Variants in IQGAP2 observed in about 807,000 individuals in gnomAD.
The protein encoded by IQGAP2 is ras GTPase-activating-like protein IQGAP2.
IQGAP2 carries 173 observed loss-of-function variants against 201.3 expected under a neutral mutation model. The ratio of observed to expected loss-of-function variants is 0.86; its 90% CI spans 0.76 to 0.98. IQGAP2 has a LOEUF of 0.98. Among genes scored for constraint, IQGAP2 ranks in the 50% least tolerant of loss-of-function variants. The probability of loss-of-function intolerance (pLI) is 0.00; values close to 1 mark genes in which losing one functional copy is unlikely to be tolerated. For missense variants in IQGAP2, 1,687 were observed against 1,864.8 expected (o/e 0.90, Z 1.76); for synonymous variants, 675 against 673.9 (o/e 1.00, Z -0.03).
At chr5:76,584,147 C>G (rs771614167) in intron 5 of IQGAP2, among the ~76,000 whole-genome samples, 99 of 152,216 alleles carry the variant, frequency 6.5e-4, no homozygotes, top group South Asian at 3.3e-3. Context: ...GCTGGGATTA[C>G]AGACGTGAGC....
intron 21 of IQGAP2, among the ~76,000 whole-genome samples, chr5:76,660,868 C>G (rs1333848933): frequency 6.6e-6 from 1 of 152,068 alleles, no homozygotes; most frequent in South Asian, 2.1e-4. Flanking sequence ...AAGCCCAAAG[C>G]AATATGCAGA....
intron 2 of IQGAP2, among the ~76,000 whole-genome samples, chr5:76,489,886 C>T: frequency 6.6e-6 from 1 of 152,206 alleles, no homozygotes; most frequent in East Asian, 1.9e-4. Flanking sequence ...CTGTCAGACA[C>T]ATACACTCCA....
intron 16 of IQGAP2, among the ~76,000 whole-genome samples, chr5:76,638,111 A>G (rs1751286429): frequency 6.6e-6 from 1 of 152,224 alleles, no homozygotes; most frequent in Non-Finnish European, 1.5e-5. Context: ...GACTATTAGG[A>G]CATTTGTTAG....
intron 2 of IQGAP2, among the ~76,000 whole-genome samples, chr5:76,462,232 G>C: frequency 6.6e-6 from 1 of 152,092 alleles, no homozygotes; most frequent in East Asian, 1.9e-4. Context: ...AGCTTCCTTG[G>C]GTCTTTTCCC....
intron 11 of IQGAP2, 39 bp from the exon 12 acceptor site, chr5:76,606,140 T>A: frequency 1.3e-6 from 2 of 1,539,160 alleles, no homozygotes; most frequent in Non-Finnish European, 1.8e-6. Flanking sequence ...GAAGAATGAA[T>A]GTCTCTAATT....
chr5:76,644,629 A>C (rs1000528586), intron 17 of IQGAP2, among the ~76,000 whole-genome samples: 2 of 152,030 alleles, frequency 1.3e-5, no homozygotes, highest in African/African-American at 4.8e-5. Context: ...TAATTTTCAA[A>C]GTTTCTTTAT....
At chr5:76,561,842 G>A (rs1039492362) in intron 2 of IQGAP2, among the ~76,000 whole-genome samples, 5 of 152,116 alleles carry the variant, frequency 3.3e-5, no homozygotes, top group Admixed American at 6.5e-5. Flanking sequence ...ATAAGTTCCT[G>A]GTATTGGAAA....
chr5:76,702,657 G>A, intron 35 of IQGAP2, 67 bp downstream of exon 35: 2 of 697,374 alleles, frequency 2.9e-6, no homozygotes, highest in East Asian at 5.0e-5. Context: ...TGCTACCCTG[G>A]CTCTCTCTCT....
At position 76,619,597 on chromosome 5, in the gene IQGAP2, A is replaced by G. The variant is rs2069675; in HGVS notation, c.1522-7813A>G. The stretch of plus-strand genomic sequence containing the variant: ...AGTGGCACGATCTCAGCTCACTGCA[A>G]CCTCCGCCTCCCGGGTTCACGCCAT... On this transcript the variant is annotated intron_variant, in intron 13 of 35. Transcript: ENST00000274364. Among the ~76,000 whole-genome samples the G allele has an allele frequency of 1.7e-3, 246 of 147,156 alleles. 2 individuals carry two copies. The highest frequency in any genetic ancestry group is 6.1e-3 in the African/African-American group (241 of 39,366).
intron 1 of IQGAP2, among the ~76,000 whole-genome samples, chr5:76,452,163 A>G (rs925476534): frequency 6.7e-6 from 1 of 149,440 alleles, no homozygotes; most frequent in African/African-American, 2.4e-5. Context: ...ATCTGACCTC[A>G]GGTGATCTAC....
At chr5:76,574,898 CT>C (rs1204521084) in intron 4 of IQGAP2, among the ~76,000 whole-genome samples, 2 of 152,092 alleles carry the variant, frequency 1.3e-5, no homozygotes, top group Non-Finnish European at 1.5e-5. Flanking sequence ...GATTAACTGG[CT>C]AAGCTAGGGT....
intron 2 of IQGAP2, among the ~76,000 whole-genome samples, chr5:76,481,606 A>C (rs1580285350): frequency 6.6e-6 from 1 of 151,112 alleles, no homozygotes; most frequent in Non-Finnish European, 1.5e-5. Flanking sequence ...CTTGTCTTGA[A>C]CTCCTGACCT....
At chr5:76,666,690 A>G (rs571840985) in intron 22 of IQGAP2, among the ~76,000 whole-genome samples, 1 of 152,326 alleles carries the variant, frequency 6.6e-6, no homozygotes, top group Admixed American at 6.5e-5. Flanking sequence ...CACTAAAGAA[A>G]TTATAGAAAA....
rs1189619734 is a variant in IQGAP2 at position 76,636,965 on chromosome 5, TAAAG to T, written c.1781-65_1781-62del. 4.0e-6 allele frequency: 5 copies of T among 1,250,758 alleles called. No homozygotes were observed. In the African/African-American group the frequency reaches 7.7e-5, roughly 19 times the overall value. 77.5% of individuals were successfully genotyped at this position (1,250,758 alleles called of 1,614,324 possible). On this transcript the variant is annotated intron_variant, in intron 15 of 35. Transcript: ENST00000274364. ...AAACATATTCAATTATTTTACATAT[TAAAG>T]AAACTACACTAATGTTTAAGGGTTC...
chr5:76,628,099 C>G (rs1220378965), intron 14 of IQGAP2, among the ~76,000 whole-genome samples: 2 of 152,232 alleles, frequency 1.3e-5, no homozygotes, highest in Non-Finnish European at 2.9e-5. Context: ...GGCCAGGCCC[C>G]TTGAGGAAAA....
chr5:76,556,594 T>A (rs1561461011), intron 2 of IQGAP2, among the ~76,000 whole-genome samples: 2 of 152,322 alleles, frequency 1.3e-5, no homozygotes, highest in Middle Eastern at 3.4e-3. Context: ...CAAAGGCTAG[T>A]CAGCCCGCAT....
chr5:76,579,882 C>CT (rs2150289273), intron 5 of IQGAP2, among the ~76,000 whole-genome samples: 1 of 152,298 alleles, frequency 6.6e-6, no homozygotes, highest in African/African-American at 2.4e-5. Flanking sequence ...TCTTCCTTAT[C>CT]TTGGGGCACT....
chr5:76,478,716 A>G (rs1755596217), intron 2 of IQGAP2, among the ~76,000 whole-genome samples: 1 of 152,144 alleles, frequency 6.6e-6, no homozygotes, highest in African/African-American at 2.4e-5. Context: ...CCCAGGAGCA[A>G]TAGGCCATAT....
intron 17 of IQGAP2, among the ~76,000 whole-genome samples, chr5:76,650,153 G>A (rs1580722154): frequency 6.6e-6 from 1 of 152,316 alleles, no homozygotes; most frequent in Non-Finnish European, 1.5e-5. Flanking sequence ...TAAAGCATTG[G>A]GGATTTCAGT....
Sources: allele counts gnomAD v4.1 joint callset (sites outside exome capture counted in the v4.1 genomes callset), GRCh38; gene constraint gnomAD v4.1.1; transcripts MANE v1.5; gene names NCBI Gene and HGNC (gene_info 2026-07-23, HGNC 2026-07-21).